Variants in LARP4B observed in about 807,000 individuals in gnomAD.
LARP4B encodes the protein La ribonucleoprotein 4B, also known as la-related protein 4B.
Under a neutral mutation model 89.8 loss-of-function variants are expected in LARP4B, and 12 were observed. The ratio of observed to expected loss-of-function variants is 0.13; its 90% CI spans 0.09 to 0.22. LARP4B has a LOEUF of 0.22. Among genes scored for constraint, LARP4B ranks in the 10% least tolerant of loss-of-function variants. LARP4B has a pLI of 1.00. For synonymous variants in LARP4B, 367 were observed against 363.3 expected (o/e 1.01, Z -0.12); for missense variants, 757 against 947.7 (o/e 0.80, Z 2.64).
intron 5 of LARP4B, among the ~76,000 whole-genome samples, chr10:856,276 A>G (rs1163668554): frequency 6.6e-6 from 1 of 152,230 alleles, no homozygotes; most frequent in Non-Finnish European, 1.5e-5. Flanking sequence ...AAAAGTGAGT[A>G]ATAAAACAAC....
the LARP4B span, among the ~76,000 whole-genome samples, chr10:945,796 C>T: frequency 6.6e-5 from 10 of 152,110 alleles, no homozygotes; most frequent in African/African-American, 2.2e-4. Flanking sequence ...GGCTCTCTTT[C>T]AAATAAGGAA....
At chr10:909,293 CAAAAAAAAA>C (rs56787174) in intron 1 of LARP4B, among the ~76,000 whole-genome samples, 6 of 80,866 alleles carry the variant, frequency 7.4e-5, no homozygotes, top group African/African-American at 3.3e-4. Context: ...GACTCCGTCT[CAAAAAAAAA>C]AAAAAAAAAA....
chr10:869,330 C>A (rs1410351334), intron 3 of LARP4B, among the ~76,000 whole-genome samples: 4 of 152,134 alleles, frequency 2.6e-5, no homozygotes, highest in South Asian at 2.1e-4. Flanking sequence ...AGATAAGATG[C>A]CCTCAAAGGG....
chr10:860,879 G>C (rs745572559), intron 5 of LARP4B, among the ~76,000 whole-genome samples: 1 of 152,076 alleles, frequency 6.6e-6, no homozygotes, highest in Non-Finnish European at 1.5e-5. Context: ...CCACTGGGCC[G>C]GGCATGAAGG....
At chr10:896,344 A>G (rs1836188339) in intron 1 of LARP4B, among the ~76,000 whole-genome samples, 1 of 152,206 alleles carries the variant, frequency 6.6e-6, no homozygotes, top group African/African-American at 2.4e-5. Context: ...AATATTCAAT[A>G]TTCATTTATA....
the LARP4B span, among the ~76,000 whole-genome samples, chr10:982,311 C>T: frequency 1.3e-5 from 2 of 151,824 alleles, no homozygotes; most frequent in African/African-American, 2.4e-5. Flanking sequence ...AGGCTGGTCT[C>T]GAACTCCTGA....
chr10:956,149 C>A, the LARP4B span, among the ~76,000 whole-genome samples: 1 of 152,160 alleles, frequency 6.6e-6, no homozygotes. The surrounding 1 kb of genome is among the most constrained non-coding windows in gnomAD (Gnocchi z 4.3). Flanking sequence ...GGCAATGACT[C>A]CACGAACCCT....
the LARP4B span, among the ~76,000 whole-genome samples, chr10:979,622 A>G: frequency 4.6e-4 from 70 of 152,284 alleles, no homozygotes; most frequent in Non-Finnish European, 8.1e-4. Flanking sequence ...GTTGCCAGTT[A>G]ACTGGGTCCT....
chr10:962,210 C>T, the LARP4B span, among the ~76,000 whole-genome samples: 1 of 149,396 alleles, frequency 6.7e-6, no homozygotes, highest in Non-Finnish European at 1.5e-5. Context: ...GCAGGAGAAT[C>T]ACTTGAACCC....
intron 1 of LARP4B, among the ~76,000 whole-genome samples, chr10:927,533 T>A (rs1428225847): frequency 6.6e-6 from 1 of 152,158 alleles, no homozygotes; most frequent in East Asian, 1.9e-4. Context: ...TACAAAGATA[T>A]CAACCAGCAT....
At chr10:883,240 G>A (rs1019150119) in intron 3 of LARP4B, among the ~76,000 whole-genome samples, 3 of 152,344 alleles carry the variant, frequency 2.0e-5, no homozygotes, top group Admixed American at 6.5e-5. Context: ...CACCGGGCAC[G>A]GTGGCTCATG....
At chr10:855,788 T>C (rs1295664477) in intron 5 of LARP4B, among the ~76,000 whole-genome samples, 2 of 152,214 alleles carry the variant, frequency 1.3e-5, no homozygotes, top group South Asian at 2.1e-4. Context: ...AAGAAGGTGG[T>C]AGCTGCAAAG....
chr10:919,436 A>G (rs890916247), intron 1 of LARP4B, among the ~76,000 whole-genome samples: 36 of 152,176 alleles, frequency 2.4e-4, no homozygotes, highest in Non-Finnish European at 4.9e-4. Context: ...GATGTAAAGC[A>G]AACTGTCACC....
intron 3 of LARP4B, among the ~76,000 whole-genome samples, chr10:867,862 GAAAAAAA>G (rs903762145): frequency 1.6e-4 from 7 of 43,354 alleles, no homozygotes; most frequent in Admixed American, 5.5e-4. Flanking sequence ...CTCCATCCTT[GAAAAAAA>G]AAAAAAAAAA....
chr10:822,045 AC>A lies in LARP4B; in HGVS notation c.1485-1201del, dbSNP rs1832377866. On this transcript the variant is annotated intron_variant, in intron 13 of 17. Transcript: ENST00000316157. This position sits in a 1 kb window ranked among gnomAD's most constrained non-coding sequence, Gnocchi z 4.6. Reference sequence around the variant, plus strand: ...TCCTGGGCCTGCATTATGGACAGCCACCCCAGTACACACCTGGCTCAGCACC... The same window carrying A: ...TCCTGGGCCTGCATTATGGACAGCCACCCAGTACACACCTGGCTCAGCACC... Among the ~76,000 whole-genome samples the A allele has an allele frequency of 6.6e-6, 1 of 152,050 alleles. No individual in the cohort carries two copies. Among genetic ancestry groups the A allele is most frequent in the Non-Finnish European group, 1.5e-5 (1 of 68,004 alleles).
intron 3 of LARP4B, among the ~76,000 whole-genome samples, chr10:878,513 G>A (rs2131906121): frequency 6.6e-6 from 1 of 152,310 alleles, no homozygotes; most frequent in Middle Eastern, 3.4e-3. Flanking sequence ...CTATAATTGT[G>A]ACATGTCTTC....
intron 5 of LARP4B, among the ~76,000 whole-genome samples, chr10:859,841 G>C (rs1312075891): frequency 6.6e-6 from 1 of 151,516 alleles, no homozygotes; most frequent in East Asian, 1.9e-4. Context: ...TATGGAGACA[G>C]TGAAAAAACC....
chr10:939,909 G>C, the LARP4B span, among the ~76,000 whole-genome samples: 1 of 152,132 alleles, frequency 6.6e-6, no homozygotes, highest in Non-Finnish European at 1.5e-5. Flanking sequence ...GCAGTGGTGT[G>C]ATCTCAGCTC....
the LARP4B span, among the ~76,000 whole-genome samples, chr10:952,466 A>G: frequency 6.9e-6 from 1 of 144,698 alleles, no homozygotes; most frequent in Non-Finnish European, 1.5e-5. Context: ...CAACCTTTAA[A>G]AGGAAGAAAT....
Sources: gnomAD v4.1 joint callset for allele counts (sites outside exome capture counted in the v4.1 genomes callset) on GRCh38, gnomAD v4.1.1 for gene constraint, Gnocchi (gnomAD v3.1) non-coding constraint, MANE v1.5 for transcripts, NCBI Gene and HGNC (gene_info 2026-07-23, HGNC 2026-07-21) for gene names.